The following RPH3A variants were observed in gnomAD, a reference collection of about 807,000 sequenced individuals.
RPH3A encodes rabphilin-3A.
Under a neutral mutation model 102.2 loss-of-function variants are expected in RPH3A, and 48 were observed. The observed-to-expected ratio is 0.47, with a 90% CI of 0.37 to 0.60. The LOEUF (loss-of-function observed/expected upper bound fraction) is 0.60, where lower values mean the gene tolerates loss of function less well. Ranked by LOEUF, RPH3A falls within the 20% of genes least tolerant of loss-of-function variation. The probability of loss-of-function intolerance (pLI) is 0.00; values close to 1 mark genes in which losing one functional copy is unlikely to be tolerated. For synonymous variants in RPH3A, 310 were observed against 324.3 expected (o/e 0.96, Z 0.47); for missense variants, 781 against 910.1 (o/e 0.86, Z 1.83).
Position 112,590,238 on chromosome 12 carries a change from G to A in RPH3A, c.-140+14919G>A, listed in dbSNP as rs961487590. Among the ~76,000 whole-genome samples, 4 of 152,258 alleles carry A rather than the reference G, an allele frequency of 2.6e-5. 1 individual carries two copies. On this transcript the variant is annotated intron_variant, in intron 1 of 21. Coordinates refer to the RPH3A transcript ENST00000543106. Reference sequence around the variant, plus strand: ...AGAAAAGAGGCTCAGAGAGGACAACGGATTCGCCTAGGGTCACAGAGCCAG... The same window carrying A: ...AGAAAAGAGGCTCAGAGAGGACAACAGATTCGCCTAGGGTCACAGAGCCAG...
At chr12:112,820,266 C>A (rs954272662) in intron 2 of RPH3A, among the ~76,000 whole-genome samples, 5 of 152,152 alleles carry the variant, frequency 3.3e-5, no homozygotes, top group African/African-American at 1.2e-4. Flanking sequence ...CACTGATGGA[C>A]GATGATGGAG....
chr12:112,842,199 G>A (rs2042159074), intron 4 of RPH3A, among the ~76,000 whole-genome samples: 1 of 152,212 alleles, frequency 6.6e-6, no homozygotes, highest in African/African-American at 2.4e-5. Context: ...TATATGTGCA[G>A]TGCTATTAGG....
chr12:112,666,090 G>T (rs1376504654), intron 1 of RPH3A, among the ~76,000 whole-genome samples: 1 of 152,190 alleles, frequency 6.6e-6, no homozygotes, highest in Non-Finnish European at 1.5e-5. Flanking sequence ...ATGCATTGAT[G>T]TATCAGACAA....
chr12:112,755,076 T>C (rs1399905599), intron 1 of RPH3A, among the ~76,000 whole-genome samples: 1 of 152,206 alleles, frequency 6.6e-6, no homozygotes. Flanking sequence ...TGGCACTTAG[T>C]AGGTCCTCAG....
At chr12:112,842,948 C>T (rs1354035197) in intron 4 of RPH3A, among the ~76,000 whole-genome samples, 1 of 152,202 alleles carries the variant, frequency 6.6e-6, no homozygotes, top group African/African-American at 2.4e-5. Flanking sequence ...AAGTGTCAGA[C>T]CCAGGATTCC....
At chr12:112,838,094 C>T (rs904217388) in intron 4 of RPH3A, among the ~76,000 whole-genome samples, 1 of 152,154 alleles carries the variant, frequency 6.6e-6, no homozygotes, top group Non-Finnish European at 1.5e-5. Flanking sequence ...ATCATAGAAT[C>T]AGAGTGAACT....
At chr12:112,653,368 TA>T (rs754219546) in intron 1 of RPH3A, among the ~76,000 whole-genome samples, 414 of 109,248 alleles carry the variant, frequency 3.8e-3, no homozygotes, top group Middle Eastern at 0.01. Context: ...AGACTCCATC[TA>T]AAAAAAAAAA....
chr12:112,656,579 C>G (rs2040013183), intron 1 of RPH3A, among the ~76,000 whole-genome samples: 1 of 152,134 alleles, frequency 6.6e-6, no homozygotes, highest in African/African-American at 2.4e-5. Context: ...TCCCACTCTT[C>G]CCCCTTTTGG....
At chr12:112,877,605 A>T (rs1259629867) in intron 13 of RPH3A, among the ~76,000 whole-genome samples, 2 of 152,178 alleles carry the variant, frequency 1.3e-5, no homozygotes, top group East Asian at 3.9e-4. Flanking sequence ...GGAAAACTGG[A>T]TCCACACAGA....
chr12:112,686,772 A>T (rs1344358), intron 1 of RPH3A, among the ~76,000 whole-genome samples: 37,413 of 152,112 alleles, frequency 0.25, 4,962 homozygotes, highest in Admixed American at 0.32. Context: ...AGTTTTGGGG[A>T]TGTACTATGC....
intron 19 of RPH3A, chr12:112,894,133 C>A (rs2043142942): frequency 5.3e-6 from 1 of 189,212 alleles, no homozygotes; most frequent in African/African-American, 2.4e-5. Flanking sequence ...TGTGCATACA[C>A]CCAGCCTCTC....
At chr12:112,612,366 C>T (rs914012459) in intron 1 of RPH3A, among the ~76,000 whole-genome samples, 2 of 152,238 alleles carry the variant, frequency 1.3e-5, no homozygotes, top group South Asian at 2.1e-4. Flanking sequence ...ACCCCTTTAA[C>T]GGGCCCGAGA....
intron 1 of RPH3A, among the ~76,000 whole-genome samples, chr12:112,620,507 T>A (rs1160531139): frequency 6.6e-6 from 1 of 152,198 alleles, no homozygotes; most frequent in African/African-American, 2.4e-5. Context: ...CACCTACATT[T>A]GACTTAAAGT....
At chr12:112,847,591 A>C in intron 4 of RPH3A, 105 bp from the exon 5 acceptor site, 2 of 1,249,130 alleles carry the variant, frequency 1.6e-6, no homozygotes, top group Non-Finnish European at 2.3e-6. Context: ...AAGCTCTGAG[A>C]GAGATGATCC....
intron 2 of RPH3A, among the ~76,000 whole-genome samples, chr12:112,817,388 C>T (rs886868506): frequency 3.3e-5 from 5 of 152,116 alleles, no homozygotes; most frequent in African/African-American, 1.2e-4. Flanking sequence ...ATCCTTTATC[C>T]TCACACACCC....
chr12:112,810,426 C>T (rs1322554881), intron 2 of RPH3A, among the ~76,000 whole-genome samples: 1 of 152,206 alleles, frequency 6.6e-6, no homozygotes, highest in African/African-American at 2.4e-5. Flanking sequence ...ACTTATAAAC[C>T]CATTTGCTGC....
At chr12:112,802,533 T>G (rs1479542693) in intron 2 of RPH3A, among the ~76,000 whole-genome samples, 1 of 152,076 alleles carries the variant, frequency 6.6e-6, no homozygotes. Flanking sequence ...CTGCCTGCTG[T>G]GCTGTGTGTG....
At chr12:112,865,363 T>A in intron 5 of RPH3A, 51 bp from the exon 6 acceptor site, 1 of 1,600,552 alleles carries the variant, frequency 6.2e-7, no homozygotes. Context: ...TGGGGTATGC[T>A]GGTGGTCCCC....
chr12:112,748,390 A>T (rs1315665987), intron 1 of RPH3A, among the ~76,000 whole-genome samples: 1 of 152,118 alleles, frequency 6.6e-6, no homozygotes, highest in East Asian at 1.9e-4. Flanking sequence ...TGGAAGTGCA[A>T]TGTTGCAATC....
Sources: gnomAD v4.1 joint callset for allele counts (sites outside exome capture counted in the v4.1 genomes callset) on GRCh38, gnomAD v4.1.1 for gene constraint, MANE v1.5 for transcripts, NCBI Gene and HGNC (gene_info 2026-07-23, HGNC 2026-07-21) for gene names.